Variants in VWA8 observed in about 807,000 individuals in gnomAD.
VWA8 encodes von Willebrand factor A domain-containing protein 8.
Under a neutral mutation model 241.5 loss-of-function variants are expected in VWA8, and 221 were observed. That is an observed-to-expected ratio of 0.91 (90% CI 0.82 to 1.02). The LOEUF is 1.02. Among genes scored for constraint, VWA8 ranks in the 50% least tolerant of loss-of-function variants. The probability of loss-of-function intolerance (pLI) is 0.00; values close to 1 mark genes in which losing one functional copy is unlikely to be tolerated. For synonymous variants in VWA8, 852 were observed against 827.1 expected (o/e 1.03, Z -0.52); for missense variants, 2,322 against 2,328.7 (o/e 1.00, Z 0.06).
intron 14 of VWA8, among the ~76,000 whole-genome samples, chr13:41,826,710 A>T (rs1405044728): frequency 6.6e-6 from 1 of 152,030 alleles, no homozygotes; most frequent in Non-Finnish European, 1.5e-5. Context: ...CCAAAAAAAA[A>T]TGGGAAAAAC....
At chr13:41,867,843 C>CA (rs1362852620) in intron 10 of VWA8, among the ~76,000 whole-genome samples, 1 of 151,840 alleles carries the variant, frequency 6.6e-6, no homozygotes, top group East Asian at 1.9e-4. Flanking sequence ...AGTAAGACTC[C>CA]ATAAAATGTG....
intron 14 of VWA8, among the ~76,000 whole-genome samples, chr13:41,827,479 G>C (rs1452210432): frequency 6.6e-6 from 1 of 152,226 alleles, no homozygotes; most frequent in Non-Finnish European, 1.5e-5. Context: ...CCTCTGGGGA[G>C]TAAGATGTGG....
intron 31 of VWA8, 62 bp from the exon 32 acceptor site, chr13:41,691,507 C>A: frequency 6.4e-7 from 1 of 1,572,118 alleles, no homozygotes; most frequent in African/African-American, 1.4e-5. Context: ...AGTAATCTGG[C>A]ATAATCATTT....
rs752088997 is a variant in VWA8, at chr13:41,883,456, G to T, written c.1011C>A (p.Ile337=). ...AAATACTATATGGATAAAGCCACTG[G>T]ATTGCATGTTTGATTGGCATCATAG... ...SFPMMPIKHA[I]QWLYPYSILL... is the part of the protein sequence containing the mutation. Residue 337 remains isoleucine (I), a synonymous_variant, in exon 9 of 45, where the codon ATC becomes ATA. Transcript: ENST00000379310. The T allele has an allele frequency of 2.5e-6, 4 of 1,613,504 alleles. No homozygotes were observed. In the Admixed American group the frequency reaches 6.7e-5, roughly 27 times the overall value.
intron 3 of VWA8, 67 bp from the exon 4 acceptor site, chr13:41,907,763 G>A: frequency 7.2e-7 from 1 of 1,390,376 alleles, no homozygotes; most frequent in South Asian, 1.2e-5. Context: ...TTTGGAACTA[G>A]TTATCTGACA....
intron 20 of VWA8, among the ~76,000 whole-genome samples, chr13:41,769,210 G>T (rs992474233): frequency 1.3e-5 from 2 of 152,224 alleles, no homozygotes; most frequent in Non-Finnish European, 2.9e-5. Context: ...CTCAGTCAAA[G>T]TAACACTTTG....
intron 37 of VWA8, among the ~76,000 whole-genome samples, chr13:41,665,740 A>G (rs192495753): frequency 7.3e-4 from 111 of 152,076 alleles, no homozygotes; most frequent in Non-Finnish European, 1.3e-3. Flanking sequence ...TATTGTTAAA[A>G]TTACCTCTTT....
chr13:41,798,772 T>C lies in VWA8; in HGVS notation c.2064-11229A>G, dbSNP rs141937581. Among the ~76,000 whole-genome samples, 5 of 152,274 alleles carry C rather than the reference T, an allele frequency of 3.3e-5. No homozygotes were observed. In the East Asian group the frequency reaches 9.6e-4, roughly 29 times the overall value. On this transcript the variant is annotated intron_variant, in intron 17 of 44. Transcript: ENST00000379310. ...TCTCCTCTTAAATTCCTATTAGACATATGTTGGATTTTCTTATCTTATTCT... is the reference window on the plus strand; with the variant it reads ...TCTCCTCTTAAATTCCTATTAGACACATGTTGGATTTTCTTATCTTATTCT...
At chr13:41,573,952 T>C (rs112776002) in intron 43 of VWA8, among the ~76,000 whole-genome samples, 14,146 of 152,166 alleles carry the variant, frequency 0.093, 1,396 homozygotes, top group African/African-American at 0.25. Context: ...ACATTTAAAA[T>C]AACTAAAAGA....
At chr13:41,676,109 AGCTATTACTT>A (rs1201085754) in intron 35 of VWA8, among the ~76,000 whole-genome samples, 6 of 152,104 alleles carry the variant, frequency 3.9e-5, no homozygotes, top group African/African-American at 1.4e-4. Context: ...TGTTATACGG[AGCTATTACTT>A]TGTTACTGTC....
intron 2 of VWA8, among the ~76,000 whole-genome samples, chr13:41,940,769 G>A (rs1432368226): frequency 6.6e-6 from 1 of 152,108 alleles, no homozygotes; most frequent in Non-Finnish European, 1.5e-5. Flanking sequence ...AATGGACACA[G>A]TTGCTCATAA....
intron 36 of VWA8, among the ~76,000 whole-genome samples, chr13:41,672,713 G>A (rs1048775811): frequency 1.3e-5 from 2 of 152,082 alleles, no homozygotes; most frequent in African/African-American, 4.8e-5. Context: ...CAGTGGGATG[G>A]GACCATATGT....
At chr13:41,572,310 G>A (rs892108093) in intron 43 of VWA8, among the ~76,000 whole-genome samples, 1 of 152,256 alleles carries the variant, frequency 6.6e-6, no homozygotes, top group African/African-American at 2.4e-5. Flanking sequence ...GTACCCAACA[G>A]CTCATTGAGA....
intron 12 of VWA8, among the ~76,000 whole-genome samples, chr13:41,841,784 CAAAAAAAAAAAAAAAAAAAAAAAA>C (rs1166227706): frequency 9.0e-5 from 3 of 33,394 alleles, no homozygotes; most frequent in African/African-American, 5.4e-4. Context: ...GACTCTGTCT[CAAAAAAAAAAAAAAAAAAAAAAAA>C]AAAAAAAAAA....
chr13:41,810,582 G>A (rs575889468), intron 17 of VWA8, among the ~76,000 whole-genome samples: 1 of 151,974 alleles, frequency 6.6e-6, no homozygotes, highest in African/African-American at 2.4e-5. Flanking sequence ...TAAAACAATA[G>A]AATTCACAAA....
chr13:41,743,125 T>C (rs1213752291), intron 21 of VWA8, among the ~76,000 whole-genome samples: 1 of 152,004 alleles, frequency 6.6e-6, no homozygotes, highest in Non-Finnish European at 1.5e-5. Context: ...TAAGCATACG[T>C]GGGAGAGAAA....
At chr13:41,872,558 T>C (rs1165866383) in intron 9 of VWA8, among the ~76,000 whole-genome samples, 5 of 152,196 alleles carry the variant, frequency 3.3e-5, no homozygotes, top group Non-Finnish European at 7.4e-5. Context: ...ATTTATTAAA[T>C]AGGGAATCCT....
chr13:41,895,564 A>G (rs1301989593), intron 4 of VWA8, among the ~76,000 whole-genome samples: 2 of 152,172 alleles, frequency 1.3e-5, no homozygotes, highest in Admixed American at 6.5e-5. Context: ...ACAGATAACT[A>G]CAATTACATT....
rs561105076 is a variant in VWA8, at chr13:41,912,272, AAT to A, written c.242-106_242-105del. ...TTATATATATATATAACGTATATAA[AAT>A]ATGTGTTTATCTGTGTATTTATAAA... On this transcript the variant is annotated intron_variant, in intron 2 of 44. Transcript: ENST00000379310. The A allele has an allele frequency of 3.7e-3, 3,140 of 844,426 alleles. 12 individuals are homozygous for A. Among genetic ancestry groups the A allele is most frequent in the Non-Finnish European group, 4.6e-3 (2,906 of 629,242 alleles). The allele number at this position is 844,426 out of a possible 1,614,324, so 52.3% of individuals were successfully genotyped here.
Sources: allele counts gnomAD v4.1 joint callset (sites outside exome capture counted in the v4.1 genomes callset), GRCh38; gene constraint gnomAD v4.1.1; transcripts MANE v1.5; gene names NCBI Gene and HGNC (gene_info 2026-07-23, HGNC 2026-07-21).